The following SYCE1 variants were observed in gnomAD, a reference collection of about 807,000 sequenced individuals.
SYCE1 encodes cancer/testis antigen 76.
Under a neutral mutation model 55.1 loss-of-function variants are expected in SYCE1, and 37 were observed. The ratio of observed to expected loss-of-function variants is 0.67; its 90% CI spans 0.52 to 0.88. SYCE1 has a LOEUF of 0.88. SYCE1 is among the 40% of genes least tolerant of loss of function. SYCE1 has a pLI of 0.00. For missense variants in SYCE1, 399 were observed against 416.4 expected, an observed-to-expected ratio of 0.96 and a Z score of 0.36; for synonymous variants, 163 against 159.4, an observed-to-expected ratio of 1.02 and a Z score of -0.17.
upstream of SYCE1, chr10:133,568,272 G>A (rs1375484637): frequency 2.8e-6 from 4 of 1,421,152 alleles, no homozygotes; most frequent in East Asian, 2.5e-5. Flanking sequence ...CGGGTCCCGC[G>A]GCCCTTCTCC....
intron 8 of SYCE1, 171 bp downstream of exon 8, chr10:133,556,588 A>G: frequency 1.4e-6 from 1 of 690,420 alleles, no homozygotes; most frequent in Non-Finnish European, 2.6e-6. Flanking sequence ...ACCACTGAGC[A>G]GCAGGGTCAC....
chr10:133,554,813 T>A, downstream of SYCE1: 1 of 1,461,014 alleles, frequency 6.8e-7, no homozygotes, highest in Non-Finnish European at 9.0e-7. Flanking sequence ...CAGAAGAAGC[T>A]GGCAGGTACC....
chr10:133,564,542 G>T, intron 1 of SYCE1: 1 of 465,498 alleles, frequency 2.1e-6, no homozygotes, highest in Non-Finnish European at 2.8e-6. Context: ...GGCTTTCACT[G>T]TGCCACATCT....
chr10:133,567,397 G>C (rs1340174805), upstream of SYCE1, among the ~76,000 whole-genome samples: 1 of 151,596 alleles, frequency 6.6e-6, no homozygotes, highest in Non-Finnish European at 1.5e-5. Flanking sequence ...TGCGTTAGTG[G>C]TTAGGGTTAA....
chr10:133,567,997 G>T (rs537966942), upstream of SYCE1: 151 of 597,758 alleles, frequency 2.5e-4, 1 homozygote, highest in African/African-American at 2.7e-3. Context: ...GGGGCTCCAA[G>T]ACTGTGGGCA....
Position 133,565,484 on chromosome 10 carries a change from C to T in SYCE1, c.46G>A (p.Ala16Thr), listed in dbSNP as rs1023035790. The T allele has an allele frequency of 4.5e-6, 7 of 1,550,334 alleles. No individual in the cohort carries two copies. The highest frequency in any genetic ancestry group is 6.1e-6 in the Non-Finnish European group (7 of 1,146,824). Residue 16 changes from alanine (A) to threonine (T), a missense_variant, in exon 1 of 13, where the codon GCC (alanine) becomes ACC (threonine). Transcript: ENST00000343131. ...CCGGCCTTCTCAGCCCTGTCCACGG[C>T]TCCTGCGGTGGGCTCGGCCTTCGAT... ...LTSKAEPTAGAVDRAEKAGGQ... is the reference protein window; with the variant it reads ...LTSKAEPTAGTVDRAEKAGGQ...
At chr10:133,563,718 T>G (rs574577455) in intron 1 of SYCE1, among the ~76,000 whole-genome samples, 2 of 151,344 alleles carry the variant, frequency 1.3e-5, no homozygotes, top group East Asian at 1.9e-4. Flanking sequence ...AGCATAAAAT[T>G]TTGTGAAATG....
intron 1 of SYCE1, chr10:133,560,663 A>T (rs1589969321): frequency 6.6e-6 from 1 of 152,238 alleles, no homozygotes; most frequent in Admixed American, 6.5e-5. Context: ...TTTCATGTTA[A>T]TTTTTTATAA....
At chr10:133,568,207 C>A, upstream of SYCE1, 1 of 1,154,860 alleles carries the variant, frequency 8.7e-7, no homozygotes, top group Non-Finnish European at 1.3e-6. Context: ...AGATGCCGAG[C>A]CGGTCCTGTT....
In SYCE1 at chr10:133,554,978, T is replaced by G. The variant is rs1183160686; in HGVS notation, c.*14A>C. The G allele has an allele frequency of 1.3e-6, 2 of 1,531,544 alleles. No individual in the cohort carries two copies. Among genetic ancestry groups the G allele is most frequent in the Admixed American group, 2.1e-5 (1 of 48,408 alleles). 94.9% of individuals were successfully genotyped at this position (1,531,544 alleles called of 1,614,324 possible). On this transcript the variant is annotated 3_prime_UTR_variant, in exon 13 of 13. Transcript: ENST00000343131. ...GGGCCTGACCCCTACTCCTCACCAG[T>G]AGACTTAGCTGTATCAAAATAGCTC... is the stretch of plus-strand genomic sequence containing the variant.
chr10:133,565,675 A>T (rs937366734), upstream of SYCE1: 1 of 776,518 alleles, frequency 1.3e-6, no homozygotes, highest in Non-Finnish European at 2.0e-6. Flanking sequence ...ATTCTCCGGC[A>T]GGCCTGCGTG....
At chr10:133,559,128 A>G (rs1289051571) in intron 3 of SYCE1, 173 bp downstream of exon 3, 2 of 909,852 alleles carry the variant, frequency 2.2e-6, no homozygotes, top group African/African-American at 3.3e-5. Flanking sequence ...GATCATGGGC[A>G]TGTAACTATG....
At chr10:133,565,796 C>A (rs1851920743), upstream of SYCE1, among the ~76,000 whole-genome samples, 1 of 152,386 alleles carries the variant, frequency 6.6e-6, no homozygotes, top group African/African-American at 2.4e-5. Context: ...GGTGCCCCCG[C>A]GCATGTGCGC....
Position 133,555,353 on chromosome 10 carries a change from C to T in SYCE1, c.916G>A (p.Val306Met), listed in dbSNP as rs2133613103. Residue 306 changes from valine (V) to methionine (M), a missense_variant and splice_region_variant, in exon 12 of 13, where the codon GTG (valine) becomes ATG (methionine). Val to Met is a conservative substitution (Grantham distance 21). Coordinates refer to ENST00000343131, the MANE Select transcript of SYCE1 (RefSeq NM_001143764.3). ...TQEEEAGPGD[V>M]ASPKPLKGER... The stretch of plus-strand genomic sequence containing the variant: ...TGACGCCCACTTCTGGGGCTTACCA[C>T]ATCTCCTGGGCCAGCCTCTTCCTCT... 2 of 1,613,950 alleles carry T rather than the reference C, an allele frequency of 1.2e-6. No individual in the cohort carries two copies. The highest frequency in any genetic ancestry group is 1.1e-5 in the South Asian group (1 of 91,070).
Position 133,558,200 on chromosome 10 carries a change from C to T in SYCE1, c.286G>A (p.Val96Ile). 2 of 1,614,194 alleles carry T rather than the reference C, an allele frequency of 1.2e-6. No homozygotes were observed. The highest frequency in any genetic ancestry group is 1.7e-6 in the Non-Finnish European group (2 of 1,180,026). Residue 96 changes from valine to isoleucine, a missense_variant, in exon 5 of 13, where the codon GTA becomes ATA. Physicochemically the swap from Val to Ile is conservative, Grantham distance 29. Transcript: ENST00000343131. Reference sequence around the variant, plus strand: ...TTGCTCAAGATCTCCTTCAGGTGTACTTTCTCTCCATGCACTAGAAAACAG... The same window carrying T: ...TTGCTCAAGATCTCCTTCAGGTGTATTTTCTCTCCATGCACTAGAAAACAG... ...KELDSLHGEKVHLKEILSKKQ... is the reference protein window; with the variant it reads ...KELDSLHGEKIHLKEILSKKQ...
At chr10:133,562,691 T>G (rs1474839395) in intron 1 of SYCE1, among the ~76,000 whole-genome samples, 1 of 152,196 alleles carries the variant, frequency 6.6e-6, no homozygotes, top group Admixed American at 6.5e-5. Context: ...TAAGGAAGAG[T>G]ATATTTTAGA....
chr10:133,564,343 G>A lies in SYCE1; in HGVS notation c.73+1114C>T, dbSNP rs149979511. The A allele has an allele frequency of 1.9e-3, 1,791 of 964,316 alleles. 20 individuals carry two copies. The African/African-American group carries it at 0.029, about 16-fold the overall frequency. 59.7% of individuals were successfully genotyped at this position (964,316 alleles called of 1,614,324 possible). On this transcript the variant is annotated intron_variant, in intron 1 of 12. Coordinates refer to ENST00000343131, the MANE Select transcript of SYCE1 (RefSeq NM_001143764.3). ...TAGCCTCGAAAACTGTGAGAAATAAGGCATTTCTGTTGTAGCAGTTTGAAC... is the reference window on the plus strand; with the variant it reads ...TAGCCTCGAAAACTGTGAGAAATAAAGCATTTCTGTTGTAGCAGTTTGAAC...
intron 8 of SYCE1, 159 bp downstream of exon 8, chr10:133,556,600 A>T: frequency 1.4e-6 from 1 of 727,066 alleles, no homozygotes; most frequent in Non-Finnish European, 2.4e-6. Flanking sequence ...CAGGGTCACA[A>T]GGAGGTGACA....
chr10:133,566,654 G>T, upstream of SYCE1, among the ~76,000 whole-genome samples: 1 of 151,032 alleles, frequency 6.6e-6, no homozygotes, highest in Non-Finnish European at 1.5e-5. Flanking sequence ...TAGGGTCAGG[G>T]GTGGGGGTTA....
Sources: allele counts gnomAD v4.1 joint callset (sites outside exome capture counted in the v4.1 genomes callset), GRCh38; gene constraint gnomAD v4.1.1; transcripts MANE v1.5; gene names NCBI Gene and HGNC (gene_info 2026-07-23, HGNC 2026-07-21).